PDZRN4: variants seen among roughly 807,000 people sequenced by gnomAD.
PDZRN4 encodes PDZ domain-containing RING finger protein 4.
PDZRN4 carries 70 observed loss-of-function variants against 99.0 expected under a neutral mutation model. That is an observed-to-expected ratio of 0.71 (90% CI 0.58 to 0.86). PDZRN4 has a LOEUF of 0.86. PDZRN4 is among the 40% of genes least tolerant of loss of function. The pLI is 0.00. For missense variants in PDZRN4, 1,474 were observed against 1,331.2 expected (o/e 1.11, Z -1.67); for synonymous variants, 551 against 501.6 (o/e 1.10, Z -1.32).
At chr12:41,456,344 G>GT (rs1555144003) in intron 3 of PDZRN4, among the ~76,000 whole-genome samples, 3 of 103,564 alleles carry the variant, frequency 2.9e-5, no homozygotes, top group African/African-American at 9.2e-5. Flanking sequence ...AAGAATGAAT[G>GT]GTTGTTTATT....
At chr12:41,255,073 A>G (rs1951194900) in intron 3 of PDZRN4, among the ~76,000 whole-genome samples, 1 of 152,172 alleles carries the variant, frequency 6.6e-6, no homozygotes, top group Non-Finnish European at 1.5e-5. Context: ...GAAAGAGAAA[A>G]AGAAAAGAAA....
At chr12:41,238,027 G>A (rs1951078386) in intron 3 of PDZRN4, among the ~76,000 whole-genome samples, 1 of 151,950 alleles carries the variant, frequency 6.6e-6, no homozygotes, top group Admixed American at 6.6e-5. Context: ...GTAGTTTAAC[G>A]GGAATAACAC....
intron 3 of PDZRN4, among the ~76,000 whole-genome samples, chr12:41,227,037 T>C (rs536872790): frequency 3.7e-4 from 57 of 152,278 alleles, no homozygotes; most frequent in African/African-American, 1.3e-3. Context: ...GGATAACTTT[T>C]CCCTATCCAA....
rs116295546 is a variant in PDZRN4, at chr12:41,531,091, A to G, written c.1203+21178A>G. 5.5e-3 allele frequency among the ~76,000 whole-genome samples: 840 copies of G among 152,244 alleles called. 7 individuals are homozygous for G. The highest frequency in any genetic ancestry group is 0.019 in the African/African-American group (781 of 41,554). On this transcript the variant is annotated intron_variant, in intron 5 of 9. Transcript: ENST00000402685. ...TAGGCTGCTTGTGTTAACTAGCTCA[A>G]TTAGACCCTCTACTTTGTTGCAAGG...
chr12:41,460,135 T>A, intron 3 of PDZRN4: 4 of 1,181,428 alleles, frequency 3.4e-6, no homozygotes, highest in South Asian at 1.4e-5. Context: ...CTACCACATG[T>A]TTTTACTGTT....
intron 3 of PDZRN4, 96 bp downstream of exon 3, chr12:41,194,284 T>C (rs1318920976): frequency 8.8e-6 from 6 of 684,812 alleles, no homozygotes; most frequent in Non-Finnish European, 1.5e-5. Flanking sequence ...GTGGTGCTTA[T>C]TAGAATATAC....
At chr12:41,311,438 G>A (rs902806218) in intron 3 of PDZRN4, among the ~76,000 whole-genome samples, 2 of 152,198 alleles carry the variant, frequency 1.3e-5, no homozygotes, top group Non-Finnish European at 2.9e-5. Flanking sequence ...TTTCACATCA[G>A]TAAGTTCAGG....
chr12:41,374,749 G>T (rs1446344337), intron 3 of PDZRN4, among the ~76,000 whole-genome samples: 1 of 152,266 alleles, frequency 6.6e-6, no homozygotes, highest in Non-Finnish European at 1.5e-5. Flanking sequence ...GAAAGTATCA[G>T]TTGGGAGGAA....
chr12:41,571,364 TCTCTCTCTCTCTCACACA>T (rs1436678372), intron 9 of PDZRN4, among the ~76,000 whole-genome samples: 10 of 97,752 alleles, frequency 1.0e-4, no homozygotes, highest in Non-Finnish European at 1.9e-4. Context: ...TCTCTCTCTC[TCTCTCTCTCTCTCACACA>T]CACACACACA....
intron 3 of PDZRN4, among the ~76,000 whole-genome samples, chr12:41,265,132 G>A (rs954366594): frequency 6.6e-6 from 1 of 152,036 alleles, no homozygotes; most frequent in African/African-American, 2.4e-5. Flanking sequence ...ACAATATAAT[G>A]TCAAATGAGT....
At chr12:41,388,186 C>G (rs1335862862) in intron 3 of PDZRN4, among the ~76,000 whole-genome samples, 1 of 151,962 alleles carries the variant, frequency 6.6e-6, no homozygotes, top group Non-Finnish European at 1.5e-5. Context: ...AACCAAATAC[C>G]ACATGTAATG....
chr12:41,554,924 T>TCA (rs1340466811), intron 6 of PDZRN4, among the ~76,000 whole-genome samples: 12 of 151,676 alleles, frequency 7.9e-5, no homozygotes, highest in Admixed American at 3.9e-4. Flanking sequence ...AAGTATGGTC[T>TCA]TGGGCCGGAC....
intron 3 of PDZRN4, among the ~76,000 whole-genome samples, chr12:41,228,451 ACTGT>A (rs1231611773): frequency 6.6e-6 from 1 of 152,014 alleles, no homozygotes; most frequent in Non-Finnish European, 1.5e-5. Context: ...TATTATATGA[ACTGT>A]CTATTTAACT....
intron 5 of PDZRN4, among the ~76,000 whole-genome samples, chr12:41,519,357 G>T (rs1204489706): frequency 6.6e-6 from 1 of 152,002 alleles, no homozygotes; most frequent in Non-Finnish European, 1.5e-5. Flanking sequence ...AAACAAACTT[G>T]CTTTCTAGGT....
At chr12:41,242,092 T>G (rs2120785150) in intron 3 of PDZRN4, among the ~76,000 whole-genome samples, 1 of 152,346 alleles carries the variant, frequency 6.6e-6, no homozygotes, top group Middle Eastern at 3.4e-3. Flanking sequence ...TTCCTCTGAC[T>G]CCTGCAAGAT....
chr12:41,515,069 C>T (rs908700141), intron 5 of PDZRN4, among the ~76,000 whole-genome samples: 2 of 152,014 alleles, frequency 1.3e-5, no homozygotes, highest in African/African-American at 4.8e-5. Context: ...CTGCAACAGA[C>T]AGGGAAATAA....
intron 3 of PDZRN4, among the ~76,000 whole-genome samples, chr12:41,445,793 T>C (rs1952721567): frequency 6.6e-6 from 1 of 152,062 alleles, no homozygotes; most frequent in African/African-American, 2.4e-5. Context: ...GAATTTTAGG[T>C]ATTATTCTTA....
At chr12:41,295,828 T>C (rs1951489445) in intron 3 of PDZRN4, among the ~76,000 whole-genome samples, 2 of 152,132 alleles carry the variant, frequency 1.3e-5, no homozygotes, top group Non-Finnish European at 2.9e-5. Context: ...GGTGGAAGAA[T>C]GGTGAAATTA....
intron 3 of PDZRN4, among the ~76,000 whole-genome samples, chr12:41,288,250 C>G (rs1951433307): frequency 6.6e-6 from 1 of 152,122 alleles, no homozygotes; most frequent in Admixed American, 6.5e-5. Flanking sequence ...TGCATTAGTT[C>G]AGCCCTGTGA....
Sources: allele counts gnomAD v4.1 joint callset (sites outside exome capture counted in the v4.1 genomes callset), GRCh38; gene constraint gnomAD v4.1.1; transcripts MANE v1.5; gene names NCBI Gene and HGNC (gene_info 2026-07-23, HGNC 2026-07-21).